Variants in CENPA observed in about 807,000 individuals in gnomAD.
CENPA encodes centromere protein A, also known as histone H3-like centromeric protein A.
CENPA carries 7 observed loss-of-function variants against 17.2 expected under a neutral mutation model. That is an observed-to-expected ratio of 0.41 (90% CI 0.23 to 0.76). The LOEUF (loss-of-function observed/expected upper bound fraction) is 0.76. Among genes scored for constraint, CENPA ranks in the 30% least tolerant of loss-of-function variants. CENPA has a pLI of 0.34. For synonymous variants in CENPA, 82 were observed against 77.4 expected, an observed-to-expected ratio of 1.06 and a Z score of -0.31; for missense variants, 149 against 193.1, an observed-to-expected ratio of 0.77 and a Z score of 1.35.
chr2:26,792,921 A>G, intron 3 of CENPA, 88 bp downstream of exon 3: 2 of 1,341,308 alleles, frequency 1.5e-6, no homozygotes, highest in East Asian at 2.3e-5. Flanking sequence ...GGAGTGTCAC[A>G]TGCTGAATCT....
chr2:26,786,363 C>T (rs960757193), intron 1 of CENPA, 67 bp downstream of exon 1: 3 of 1,281,260 alleles, frequency 2.3e-6, no homozygotes, highest in South Asian at 5.1e-5. Context: ...CCGGATCTCC[C>T]GAGTCCCGAT....
At chr2:26,788,606 A>G (rs76132488) in intron 1 of CENPA, among the ~76,000 whole-genome samples, 2,900 of 152,176 alleles carry the variant, frequency 0.019, 107 homozygotes, top group African/African-American at 0.065. Context: ...CTGTGCTTAG[A>G]TAAATCCAGA....
chr2:26,792,039 A>G, intron 1 of CENPA, 92 bp from the exon 2 acceptor site: 2 of 1,024,504 alleles, frequency 2.0e-6, no homozygotes, highest in South Asian at 2.7e-5. Context: ...GTAGGCACAT[A>G]GATATAGTCT....
At chr2:26,786,581 C>T (rs758726546) in intron 1 of CENPA, among the ~76,000 whole-genome samples, 3 of 152,238 alleles carry the variant, frequency 2.0e-5, no homozygotes, top group Non-Finnish European at 4.4e-5. Context: ...CAGGCATTGC[C>T]TCCCACTGTT....
chr2:26,786,116 A>T lies in CENPA; in HGVS notation c.-81A>T. The T allele has an allele frequency of 7.5e-7, 1 of 1,340,046 alleles. No homozygotes were observed. Among genetic ancestry groups the T allele is most frequent in the Non-Finnish European group, 9.5e-7 (1 of 1,049,606 alleles). 83.0% of individuals were successfully genotyped at this position (1,340,046 alleles called of 1,614,324 possible). Reference sequence around the variant, plus strand: ...CGGCACAGCGTTCTCTGGGCTCCCCAGAAGCCAGCCTTTCGCTCCCGGACC... The same window carrying T: ...CGGCACAGCGTTCTCTGGGCTCCCCTGAAGCCAGCCTTTCGCTCCCGGACC... On this transcript the variant is annotated 5_prime_UTR_variant, in exon 1 of 5. Coordinates refer to ENST00000335756, the MANE Select transcript of CENPA (RefSeq NM_001809.4).
Position 26,793,289 on chromosome 2 carries a change from C to T in CENPA, c.*10C>T, listed in dbSNP as rs1188320321. ...GGAGGGACTCGGCTGAGCTCCTGCACCCAGTGTTTCTGTCAGTCTTTCCTG... is the reference window on the plus strand; with the variant it reads ...GGAGGGACTCGGCTGAGCTCCTGCATCCAGTGTTTCTGTCAGTCTTTCCTG... On this transcript the variant is annotated 3_prime_UTR_variant, in exon 4 of 5. Coordinates refer to ENST00000335756, the MANE Select transcript of CENPA (RefSeq NM_001809.4). 3 of 1,613,396 alleles carry T rather than the reference C, an allele frequency of 1.9e-6. No homozygotes were observed. The highest frequency in any genetic ancestry group is 2.5e-6 in the Non-Finnish European group (3 of 1,179,910).
In CENPA at chr2:26,786,224, C is replaced by G; in HGVS notation, c.28C>G (p.Pro10Ala). 1.4e-6 allele frequency: 2 copies of G among 1,432,784 alleles called. No homozygotes were observed. The highest frequency in any genetic ancestry group is 1.8e-6 in the Non-Finnish European group (2 of 1,099,924). The allele number at this position is 1,432,784 out of a possible 1,614,324, so 88.8% of individuals were successfully genotyped here. A position where few individuals can be genotyped will look rare whatever the true frequency, so the allele number is the denominator to read the frequency against. The change falls in exon 1 of 5, where the codon CCC becomes GCC. Residue 10 changes from proline to alanine, a missense_variant. Physicochemically the swap from Pro to Ala is conservative, Grantham distance 27. Around this residue, in one of 2 missense-constraint regions of CENPA, gnomAD observed 95 missense variants for 87.5 expected, o/e 1.09. Transcript: ENST00000335756. ...GGGCCCGCGCCGCCGGAGCCGAAAGCCCGAGGCCCCGAGGAGGCGCAGCCC... is the reference window on the plus strand; with the variant it reads ...GGGCCCGCGCCGCCGGAGCCGAAAGGCCGAGGCCCCGAGGAGGCGCAGCCC... MGPRRRSRK[P>A]EAPRRRSPSP...
chr2:26,793,124 T>C (rs1430740170), intron 3 of CENPA, 21 bp from the exon 4 acceptor site: 1 of 1,613,050 alleles, frequency 6.2e-7, no homozygotes, highest in African/African-American at 1.3e-5. Flanking sequence ...TGTGTCCGTC[T>C]TTTTCTCTTT....
At chr2:26,790,725 T>C (rs944366893) in intron 1 of CENPA, among the ~76,000 whole-genome samples, 1 of 152,216 alleles carries the variant, frequency 6.6e-6, no homozygotes, top group African/African-American at 2.4e-5. Flanking sequence ...GCATGGGTCT[T>C]CCCAGTTTTA....
In CENPA at chr2:26,786,145, C is replaced by T; in HGVS notation, c.-52C>T. The stretch of plus-strand genomic sequence containing the variant: ...GCCAGCCTTTCGCTCCCGGACCCGG[C>T]AGCCCGAGCAGGAGCCGTGGGACCG... On this transcript the variant is annotated 5_prime_UTR_variant, in exon 1 of 5. Coordinates refer to ENST00000335756, the MANE Select transcript of CENPA (RefSeq NM_001809.4). The T allele has an allele frequency of 7.3e-7, 1 of 1,368,472 alleles. No individual in the cohort carries two copies. The highest frequency in any genetic ancestry group is 1.6e-5 in the South Asian group (1 of 60,858). The allele number at this position is 1,368,472 out of a possible 1,614,324, so 84.8% of individuals were successfully genotyped here. A position where few individuals can be genotyped will look rare whatever the true frequency, so the allele number is the denominator to read the frequency against.
At chr2:26,793,050 C>T in intron 3 of CENPA, 95 bp from the exon 4 acceptor site, 2 of 1,514,870 alleles carry the variant, frequency 1.3e-6, no homozygotes, top group Non-Finnish European at 1.8e-6. Context: ...TCCTACAATC[C>T]TTTGAGCCCT....
At chr2:26,791,962 T>C (rs1664622961) in intron 1 of CENPA, among the ~76,000 whole-genome samples, 169 bp from the exon 2 acceptor site, 4 of 152,224 alleles carry the variant, frequency 2.6e-5, no homozygotes, top group Admixed American at 2.0e-4. Flanking sequence ...ATTGTGGTTT[T>C]TGCCATAACT....
chr2:26,789,540 G>C (rs1233740127), intron 1 of CENPA, among the ~76,000 whole-genome samples: 1 of 151,884 alleles, frequency 6.6e-6, no homozygotes, highest in Non-Finnish European at 1.5e-5. Context: ...TCTGACCCCA[G>C]ATACCTATAT....
intron 1 of CENPA, 122 bp downstream of exon 1, chr2:26,786,418 G>A: frequency 2.5e-6 from 3 of 1,223,834 alleles, no homozygotes; most frequent in Non-Finnish European, 3.1e-6. Flanking sequence ...TCCGCCGTCC[G>A]GCATCCGCTC....
intron 1 of CENPA, among the ~76,000 whole-genome samples, chr2:26,787,963 G>T (rs1208680893): frequency 2.0e-5 from 3 of 152,074 alleles, no homozygotes; most frequent in Non-Finnish European, 4.4e-5. Context: ...TACTAGTAAG[G>T]CCCTGAGACT....
chr2:26,789,565 A>G (rs923836032), intron 1 of CENPA, among the ~76,000 whole-genome samples: 2 of 151,780 alleles, frequency 1.3e-5, no homozygotes, highest in African/African-American at 4.8e-5. Flanking sequence ...CTGCCTTTCT[A>G]CCTGAAGGCT....
chr2:26,793,452 G>C, intron 4 of CENPA, 126 bp downstream of exon 4: 1 of 739,186 alleles, frequency 1.4e-6, no homozygotes, highest in Non-Finnish European at 2.1e-6. Context: ...AGTTTTGACT[G>C]CCTGGGACAA....
In CENPA at chr2:26,786,250, G is replaced by A. The variant is rs1158482817; in HGVS notation, c.54G>A (p.Pro18=). 6.5e-6 allele frequency: 9 copies of A among 1,387,000 alleles called. No individual in the cohort carries two copies. In the East Asian group the frequency reaches 2.1e-4, roughly 33 times the overall value. 85.9% of individuals were successfully genotyped at this position (1,387,000 alleles called of 1,614,324 possible). A position where few individuals can be genotyped will look rare whatever the true frequency, so the allele number is the denominator to read the frequency against. ...CCGAGGCCCCGAGGAGGCGCAGCCC[G>A]AGCCCGACCCCGACCCCCGGCCCCT... ...RKPEAPRRRS[P]SPTPTPGPSR... Residue 18 remains proline (P), a synonymous_variant, in exon 1 of 5, where the codon CCG becomes CCA. Transcript: ENST00000335756.
chr2:26,788,757 C>A (rs532782084), intron 1 of CENPA, among the ~76,000 whole-genome samples: 1 of 152,340 alleles, frequency 6.6e-6, no homozygotes, highest in South Asian at 2.1e-4. Context: ...CTTACCGCAA[C>A]CTCTACCTCC....
Sources: allele counts gnomAD v4.1 joint callset (sites outside exome capture counted in the v4.1 genomes callset), GRCh38; gene constraint gnomAD v4.1.1; regional missense constraint gnomAD v4.1.1; transcripts MANE v1.5; gene names NCBI Gene and HGNC (gene_info 2026-07-23, HGNC 2026-07-21).